Variants in ATP10B observed in about 807,000 individuals in gnomAD.
ATP10B encodes ATPase phospholipid transporting 10B (putative).
A neutral mutation model predicts 141.2 loss-of-function variants in ATP10B; 122 were observed. The ratio of observed to expected loss-of-function variants is 0.86; its 90% CI spans 0.75 to 1.00. The LOEUF (loss-of-function observed/expected upper bound fraction) is 1.00, where lower values mean the gene tolerates loss of function less well. ATP10B is among the 50% of genes least tolerant of loss of function. The pLI is 0.00. For synonymous variants in ATP10B, 685 were observed against 692.0 expected, an observed-to-expected ratio of 0.99 and a Z score of 0.16; for missense variants, 1,876 against 1,825.3, an observed-to-expected ratio of 1.03 and a Z score of -0.51.
At chr5:160,634,722 A>T in intron 11 of ATP10B, 116 bp from the exon 12 acceptor site, 1 of 1,119,950 alleles carries the variant, frequency 8.9e-7, no homozygotes, top group Non-Finnish European at 1.3e-6. Context: ...CACAGGACAG[A>T]CTCTCTGTGA....
rs185620791 is a variant in ATP10B at position 160,742,249 on chromosome 5, T to G, written c.-330-25215A>C. 2.4e-3 allele frequency among the ~76,000 whole-genome samples: 358 copies of G among 152,274 alleles called. 1 individual carries two copies. The highest frequency in any genetic ancestry group is 4.1e-3 in the Non-Finnish European group (281 of 68,016). On this transcript the variant is annotated intron_variant, in intron 2 of 25. Transcript: ENST00000327245. ...TTTCTCATGGTTAGTAAATGGCAGA[T>G]CCAAGCCTGTGCACAGGTGTAGACA...
chr5:160,733,598 G>A (rs984546974), intron 2 of ATP10B, among the ~76,000 whole-genome samples: 5 of 150,734 alleles, frequency 3.3e-5, no homozygotes, highest in African/African-American at 9.8e-5. Context: ...ACATATATAC[G>A]TTACATATAT....
chr5:160,726,623 A>T (rs1369051790), intron 2 of ATP10B, among the ~76,000 whole-genome samples: 1 of 119,206 alleles, frequency 8.4e-6, no homozygotes, highest in Admixed American at 7.9e-5. Context: ...AGAGTTGAAA[A>T]GGGAAACAGA....
chr5:160,882,983 A>T, the ATP10B span, among the ~76,000 whole-genome samples: 2 of 152,314 alleles, frequency 1.3e-5, no homozygotes, highest in African/African-American at 4.8e-5. Flanking sequence ...GCCAACACAA[A>T]AATAAATCTA....
At chr5:160,871,535 C>G in the ATP10B span, among the ~76,000 whole-genome samples, 1 of 151,884 alleles carries the variant, frequency 6.6e-6, no homozygotes, top group Non-Finnish European at 1.5e-5. Flanking sequence ...ACTTTTCCCT[C>G]CAAGTTCCCA....
intron 24 of ATP10B, 61 bp from the exon 25 acceptor site, chr5:160,569,744 T>C: frequency 7.7e-7 from 1 of 1,302,628 alleles, no homozygotes. Context: ...GGCAGGGTGA[T>C]CAAACTACTT....
the ATP10B span, among the ~76,000 whole-genome samples, chr5:160,858,071 T>C: frequency 5.3e-5 from 8 of 152,054 alleles, no homozygotes; most frequent in Non-Finnish European, 7.4e-5. Flanking sequence ...TAAAAATCAA[T>C]TGAGAGTGGG....
chr5:160,874,028 C>G, the ATP10B span, among the ~76,000 whole-genome samples: 1 of 152,194 alleles, frequency 6.6e-6, no homozygotes. Flanking sequence ...TGGGTGGAGC[C>G]CACCACAGCT....
the ATP10B span, among the ~76,000 whole-genome samples, chr5:160,893,597 A>AG: frequency 6.6e-6 from 1 of 152,212 alleles, no homozygotes; most frequent in African/African-American, 2.4e-5. Flanking sequence ...ACCTGGGGGA[A>AG]GGGGCAGCTG....
At chr5:160,890,757 C>A in the ATP10B span, among the ~76,000 whole-genome samples, 1 of 151,998 alleles carries the variant, frequency 6.6e-6, no homozygotes, top group Non-Finnish European at 1.5e-5. Context: ...CTCTGTTGCC[C>A]AGGCTGTAGT....
At chr5:160,915,294 C>A in the ATP10B span, among the ~76,000 whole-genome samples, 4 of 151,642 alleles carry the variant, frequency 2.6e-5, no homozygotes, top group South Asian at 8.3e-4. Flanking sequence ...ATGAGGTATT[C>A]TCCCCACGCT....
chr5:160,617,864 C>T lies in ATP10B; in HGVS notation c.2526G>A (p.Lys842=). 4 of 1,613,100 alleles carry T rather than the reference C, an allele frequency of 2.5e-6. No individual in the cohort carries two copies. The highest frequency in any genetic ancestry group is 3.4e-6 in the Non-Finnish European group (4 of 1,179,052). The change falls in exon 16 of 26, where the codon AAG becomes AAA. Residue 842 remains lysine, a splice_region_variant and synonymous_variant. Coordinates refer to ENST00000327245, the MANE Select transcript of ATP10B (RefSeq NM_025153.3). The part of the protein sequence containing the change: ...DGLRTLCIAK[K]VVSEEDFRRW... Reference sequence around the variant, plus strand: ...GCACGCTTGGAGGAATTGTTCTTACCTTCTTGGCAATGCATAGTGTGCGCA... The same window carrying T: ...GCACGCTTGGAGGAATTGTTCTTACTTTCTTGGCAATGCATAGTGTGCGCA...
chr5:160,830,124 T>C (rs2127975414), intron 1 of ATP10B, among the ~76,000 whole-genome samples: 1 of 152,208 alleles, frequency 6.6e-6, no homozygotes. Context: ...CTTCTATGCC[T>C]ACTCTGTTGA....
At chr5:160,831,916 C>T (rs1212873146) in intron 1 of ATP10B, among the ~76,000 whole-genome samples, 2 of 152,016 alleles carry the variant, frequency 1.3e-5, no homozygotes, top group Non-Finnish European at 2.9e-5. Context: ...GTCTCTATCT[C>T]TAAAAACGAA....
chr5:160,849,501 A>T (rs1753663263), intron 1 of ATP10B, among the ~76,000 whole-genome samples: 1 of 152,142 alleles, frequency 6.6e-6, no homozygotes. Context: ...TTAAGACAGT[A>T]CTTAATAAAC....
intron 24 of ATP10B, among the ~76,000 whole-genome samples, chr5:160,587,169 C>T (rs1269454205): frequency 6.6e-6 from 1 of 152,124 alleles, no homozygotes; most frequent in African/African-American, 2.4e-5. Flanking sequence ...AGGGATCCTG[C>T]ATATGGCTAA....
At chr5:160,636,422 T>C in intron 10 of ATP10B, 113 bp from the exon 11 acceptor site, 2 of 1,099,188 alleles carry the variant, frequency 1.8e-6, no homozygotes, top group Non-Finnish European at 2.6e-6. Context: ...GGAGGACCCC[T>C]CCTTCTTCCA....
chr5:160,672,533 C>T (rs1762777030), intron 6 of ATP10B, among the ~76,000 whole-genome samples: 1 of 152,176 alleles, frequency 6.6e-6, no homozygotes, highest in Non-Finnish European at 1.5e-5. Flanking sequence ...CATCTGTCTG[C>T]ATTTGGAAAT....
chr5:160,709,855 G>T (rs1486014947), intron 3 of ATP10B, among the ~76,000 whole-genome samples: 1 of 112,182 alleles, frequency 8.9e-6, no homozygotes, highest in African/African-American at 3.5e-5. Flanking sequence ...GTGAGAATAT[G>T]CGGTGTTTGG....
Sources: allele counts gnomAD v4.1 joint callset (sites outside exome capture counted in the v4.1 genomes callset), GRCh38; gene constraint gnomAD v4.1.1; transcripts MANE v1.5; gene names NCBI Gene and HGNC (gene_info 2026-07-23, HGNC 2026-07-21).